Variants in TIAM1 observed in about 807,000 individuals in gnomAD.
TIAM1 encodes the protein rho guanine nucleotide exchange factor TIAM1.
In TIAM1, 65 loss-of-function variants were observed where a neutral mutation model predicts 163.5. The observed-to-expected ratio is 0.40, with a 90% CI of 0.33 to 0.49. TIAM1 has a LOEUF of 0.49. Among genes scored for constraint, TIAM1 ranks in the 20% least tolerant of loss-of-function variants. The pLI is 0.77. For missense variants in TIAM1, 1,789 were observed against 2,044.7 expected (o/e 0.87, Z 2.41); for synonymous variants, 833 against 810.1 (o/e 1.03, Z -0.48).
At chr21:31,489,845 C>T (rs2046408560) in intron 1 of TIAM1, among the ~76,000 whole-genome samples, 1 of 152,198 alleles carries the variant, frequency 6.6e-6, no homozygotes, top group African/African-American at 2.4e-5. Context: ...TGTTCATGCC[C>T]ATGCTCAAAG....
chr21:31,549,849 C>T (rs566703382), intron 1 of TIAM1, among the ~76,000 whole-genome samples: 8 of 152,284 alleles, frequency 5.3e-5, no homozygotes, highest in African/African-American at 1.2e-4. Flanking sequence ...AAAGGCCGGG[C>T]GTGGTGGCTC....
intron 1 of TIAM1, among the ~76,000 whole-genome samples, chr21:31,558,311 C>T (rs900522198): frequency 1.3e-5 from 2 of 152,106 alleles, no homozygotes; most frequent in East Asian, 1.9e-4. Flanking sequence ...CGCAGGATTC[C>T]GCTTTTAATG....
rs2086847749 is a variant in TIAM1, at chr21:31,210,810, G to GAAAGAAAGA, written c.2218-596_2218-595insTCTTTCTTT. The stretch of plus-strand genomic sequence containing the variant: ...AGAAAGAAAGAAAGAAAGAAAGAAA[G>GAAAGAAAGA]AAAGGTCACCATTCAGCTCAGCTTT... On this transcript the variant is annotated intron_variant, in intron 10 of 27. Transcript: ENST00000541036. Among the ~76,000 whole-genome samples the GAAAGAAAGA allele has an allele frequency of 2.0e-5, 3 of 149,124 alleles. No homozygotes were observed. In the South Asian group the frequency reaches 6.4e-4, roughly 32 times the overall value.
intron 2 of TIAM1, among the ~76,000 whole-genome samples, chr21:31,335,998 C>T (rs1239878225): frequency 6.6e-6 from 1 of 152,158 alleles, no homozygotes; most frequent in East Asian, 1.9e-4. Flanking sequence ...TTAGAGATCA[C>T]AAAGCAGAAG....
chr21:31,254,824 C>A (rs1338617207), intron 4 of TIAM1, among the ~76,000 whole-genome samples: 2 of 152,114 alleles, frequency 1.3e-5, no homozygotes, highest in Non-Finnish European at 2.9e-5. Context: ...AAAGCTAAAA[C>A]CTGCAAGTGC....
At chr21:31,132,608 A>G (rs575076788) in intron 23 of TIAM1, among the ~76,000 whole-genome samples, 21 of 152,308 alleles carry the variant, frequency 1.4e-4, no homozygotes, top group Admixed American at 5.2e-4. Flanking sequence ...CCACAGCTCA[A>G]TGCTATGATT....
At chr21:31,489,723 T>G (rs1291595567) in intron 1 of TIAM1, among the ~76,000 whole-genome samples, 2 of 151,720 alleles carry the variant, frequency 1.3e-5, no homozygotes, top group Non-Finnish European at 2.9e-5. Context: ...CTCCCTGGAG[T>G]CTGAGACAGC....
chr21:31,286,497 C>T (rs1172744564), intron 2 of TIAM1, among the ~76,000 whole-genome samples: 1 of 151,858 alleles, frequency 6.6e-6, no homozygotes, highest in Non-Finnish European at 1.5e-5. Flanking sequence ...CACTTGAGCT[C>T]AGAAGTTCAA....
intron 2 of TIAM1, among the ~76,000 whole-genome samples, chr21:31,409,192 C>G (rs1281689547): frequency 6.6e-6 from 1 of 151,814 alleles, no homozygotes; most frequent in Non-Finnish European, 1.5e-5. Context: ...CTCACTGCAA[C>G]CACCACCTCC....
At chr21:31,185,099 A>G (rs2085216531) in intron 14 of TIAM1, among the ~76,000 whole-genome samples, 1 of 152,160 alleles carries the variant, frequency 6.6e-6, no homozygotes, top group South Asian at 2.1e-4. Flanking sequence ...AGTACATCTA[A>G]GCACAGTTGA....
intron 2 of TIAM1, among the ~76,000 whole-genome samples, chr21:31,397,678 A>G (rs888904802): frequency 6.6e-6 from 1 of 152,158 alleles, no homozygotes; most frequent in African/African-American, 2.4e-5. Flanking sequence ...TATGATCCAA[A>G]TCTGTTAGGG....
intron 2 of TIAM1, among the ~76,000 whole-genome samples, chr21:31,363,820 ACT>A (rs1331217969): frequency 6.6e-6 from 1 of 152,062 alleles, no homozygotes; most frequent in Non-Finnish European, 1.5e-5. Context: ...TTCTGAGGAA[ACT>A]CTGGTTGGTT....
chr21:31,305,487 A>T (rs966814950), intron 2 of TIAM1, among the ~76,000 whole-genome samples: 6 of 151,972 alleles, frequency 3.9e-5, no homozygotes, highest in African/African-American at 1.5e-4. Flanking sequence ...TGAGAATTTT[A>T]AAACAATCTC....
chr21:31,232,703 C>T (rs1028489485), intron 6 of TIAM1, among the ~76,000 whole-genome samples: 1 of 152,108 alleles, frequency 6.6e-6, no homozygotes, highest in Middle Eastern at 3.2e-3. Flanking sequence ...CTTCTTGAAC[C>T]GGGCAAGGTT....
intron 1 of TIAM1, among the ~76,000 whole-genome samples, chr21:31,507,606 A>G (rs2047076395): frequency 6.6e-6 from 1 of 152,132 alleles, no homozygotes; most frequent in Non-Finnish European, 1.5e-5. Flanking sequence ...ATTCAGCACC[A>G]ATTATATGGT....
At chr21:31,430,549 G>A (rs111994888) in intron 2 of TIAM1, among the ~76,000 whole-genome samples, 5 of 152,018 alleles carry the variant, frequency 3.3e-5, no homozygotes, top group African/African-American at 1.2e-4. Context: ...GACAAAGGGG[G>A]AAAAAAGATG....
rs781153297 is a variant in TIAM1, at chr21:31,181,756, C to CTTTTTTTTT, written c.2887+656_2887+664dup. Among the ~76,000 whole-genome samples the CTTTTTTTTT allele has an allele frequency of 4.4e-4, 18 of 41,344 alleles. 7 individuals are homozygous for CTTTTTTTTT. The highest frequency in any genetic ancestry group is 8.0e-4 in the Non-Finnish European group (15 of 18,804). 27.1% of individuals were successfully genotyped at this position (41,344 alleles called of 152,430 possible). On this transcript the variant is annotated intron_variant, in intron 15 of 27. Coordinates refer to ENST00000541036, the MANE Select transcript of TIAM1 (RefSeq NM_001353694.2). ...CCCAGCACTTCTTCTTCTTCTTCTT[C>CTTTTTTTTT]TTTTTTTTTTTTTTTTTTTTTTTTT... is the stretch of plus-strand genomic sequence containing the variant.
chr21:31,518,620 G>A (rs1347413329), intron 1 of TIAM1, among the ~76,000 whole-genome samples: 10 of 152,036 alleles, frequency 6.6e-5, no homozygotes, highest in Admixed American at 6.6e-4. Context: ...CTGAATTTGT[G>A]GCTTAGGAAA....
chr21:31,525,433 T>C (rs1270187632), intron 1 of TIAM1, among the ~76,000 whole-genome samples: 1 of 150,758 alleles, frequency 6.6e-6, no homozygotes, highest in Non-Finnish European at 1.5e-5. Flanking sequence ...CTTGTGAGAA[T>C]GGCACCAAGG....
Sources: gnomAD v4.1 joint callset for allele counts (sites outside exome capture counted in the v4.1 genomes callset) on GRCh38, gnomAD v4.1.1 for gene constraint, MANE v1.5 for transcripts, NCBI Gene and HGNC (gene_info 2026-07-23, HGNC 2026-07-21) for gene names.